The following MLLT3 variants were observed in gnomAD, a reference collection of about 807,000 sequenced individuals.
MLLT3 encodes the protein protein AF-9.
In MLLT3, 4 loss-of-function variants were observed where a neutral mutation model predicts 53.2. The ratio of observed to expected loss-of-function variants is 0.08; its 90% CI spans 0.04 to 0.17. The LOEUF is 0.17. Among genes scored for constraint, MLLT3 ranks in the 10% least tolerant of loss-of-function variants. The probability of loss-of-function intolerance (pLI) is 1.00; values close to 1 mark genes in which losing one functional copy is unlikely to be tolerated. For missense variants in MLLT3, 569 were observed against 684.0 expected, an observed-to-expected ratio of 0.83 and a Z score of 1.87; for synonymous variants, 283 against 230.6, an observed-to-expected ratio of 1.23 and a Z score of -2.06.
intron 2 of MLLT3, among the ~76,000 whole-genome samples, chr9:20,583,768 G>A (rs1042109931): frequency 3.9e-5 from 6 of 152,096 alleles, no homozygotes; most frequent in Admixed American, 1.3e-4. Context: ...ACACAGCATG[G>A]GGACCCTGGG....
intron 5 of MLLT3, among the ~76,000 whole-genome samples, chr9:20,386,543 T>C (rs547678952): frequency 2.9e-4 from 44 of 152,320 alleles, no homozygotes; most frequent in Non-Finnish European, 5.9e-4. Context: ...GTAATGAACA[T>C]TGCAGAATTG....
In MLLT3 at chr9:20,346,080, G is replaced by A. The variant is rs989479409; in HGVS notation, c.*363C>T. 1 of 258,240 alleles carries A rather than the reference G, an allele frequency of 3.9e-6. No homozygotes were observed. Among genetic ancestry groups the A allele is most frequent in the Non-Finnish European group, 7.5e-6 (1 of 132,836 alleles). 16.0% of individuals were successfully genotyped at this position (258,240 alleles called of 1,614,324 possible). ...AAGGCAGTGTGTTGAATATGCATTC[G>A]TCCTGTGGAATGAACCACCACAGAG... On this transcript the variant is annotated 3_prime_UTR_variant, in exon 11 of 11. Coordinates refer to ENST00000380338, the MANE Select transcript of MLLT3 (RefSeq NM_004529.4).
chr9:20,404,189 G>C (rs1253307701), intron 5 of MLLT3, among the ~76,000 whole-genome samples: 1 of 152,158 alleles, frequency 6.6e-6, no homozygotes, highest in Non-Finnish European at 1.5e-5. Flanking sequence ...ATAAAATGAA[G>C]CGTTAGGCCA....
chr9:20,431,992 A>G (rs973479707), intron 4 of MLLT3, among the ~76,000 whole-genome samples: 1 of 152,180 alleles, frequency 6.6e-6, no homozygotes, highest in Admixed American at 6.5e-5. Context: ...AGGTAATTAT[A>G]TCGAGAGAAG....
At chr9:20,560,474 A>G (rs1214626288) in intron 2 of MLLT3, among the ~76,000 whole-genome samples, 1 of 152,216 alleles carries the variant, frequency 6.6e-6, no homozygotes, top group Non-Finnish European at 1.5e-5. Flanking sequence ...GAGTTGGGGA[A>G]AAGAGCAAAA....
chr9:20,576,581 G>A (rs780334691), intron 2 of MLLT3, among the ~76,000 whole-genome samples: 2 of 152,116 alleles, frequency 1.3e-5, no homozygotes, highest in Admixed American at 6.5e-5. Context: ...AATGACTGGA[G>A]CAGTGGAGCA....
intron 2 of MLLT3, among the ~76,000 whole-genome samples, chr9:20,462,586 T>C (rs1245868871): frequency 1.3e-5 from 2 of 152,068 alleles, no homozygotes; most frequent in Admixed American, 6.6e-5. Context: ...CCTGACTCAA[T>C]AGCACCACCT....
chr9:20,378,649 A>T (rs1374159565), intron 5 of MLLT3, among the ~76,000 whole-genome samples: 1 of 152,078 alleles, frequency 6.6e-6, no homozygotes, highest in Non-Finnish European at 1.5e-5. Context: ...TTTACAGAAA[A>T]TTATACAATA....
At chr9:20,579,008 A>G (rs577841694) in intron 2 of MLLT3, among the ~76,000 whole-genome samples, 1 of 152,198 alleles carries the variant, frequency 6.6e-6, no homozygotes, top group Admixed American at 6.5e-5. Flanking sequence ...TCTATTGTAC[A>G]GCGTTGCTTA....
At chr9:20,390,636 T>C (rs1056131531) in intron 5 of MLLT3, among the ~76,000 whole-genome samples, 24 of 152,238 alleles carry the variant, frequency 1.6e-4, no homozygotes, top group African/African-American at 5.8e-4. Flanking sequence ...ATTTCACATA[T>C]ACCAAGAACT....
chr9:20,519,139 ACAAT>A (rs1817991164), intron 2 of MLLT3, among the ~76,000 whole-genome samples: 1 of 152,228 alleles, frequency 6.6e-6, no homozygotes, highest in Non-Finnish European at 1.5e-5. Context: ...TTTGCTAAAT[ACAAT>A]CAATGTGGTA....
chr9:20,384,350 T>C (rs537630256), intron 5 of MLLT3, among the ~76,000 whole-genome samples: 3 of 152,204 alleles, frequency 2.0e-5, no homozygotes, highest in Admixed American at 6.6e-5. Flanking sequence ...CTTTATTATA[T>C]AGCGTCTGGT....
chr9:20,359,555 C>A (rs1289041008), intron 8 of MLLT3, among the ~76,000 whole-genome samples: 1 of 152,182 alleles, frequency 6.6e-6, no homozygotes, highest in Non-Finnish European at 1.5e-5. Flanking sequence ...TGGTATCATT[C>A]CTACTTAACA....
chr9:20,479,392 G>C (rs1408642600), intron 2 of MLLT3, among the ~76,000 whole-genome samples: 2 of 152,064 alleles, frequency 1.3e-5, no homozygotes, highest in African/African-American at 4.8e-5. Flanking sequence ...TTCACATCTA[G>C]AGCAACCCTT....
intron 6 of MLLT3, among the ~76,000 whole-genome samples, chr9:20,364,264 A>T (rs1462955521): frequency 6.6e-6 from 1 of 152,230 alleles, no homozygotes; most frequent in African/African-American, 2.4e-5. Flanking sequence ...ACCATGTAAT[A>T]AATCAGGTAC....
chr9:20,512,039 C>G (rs1048459781), intron 2 of MLLT3, among the ~76,000 whole-genome samples: 1 of 152,144 alleles, frequency 6.6e-6, no homozygotes, highest in Non-Finnish European at 1.5e-5. Flanking sequence ...AAAAAAGCCC[C>G]CAAGTCTGAG....
At chr9:20,433,054 C>A (rs920154695) in intron 4 of MLLT3, among the ~76,000 whole-genome samples, 3 of 151,842 alleles carry the variant, frequency 2.0e-5, no homozygotes, top group African/African-American at 7.3e-5. Context: ...CCTTTTTGCC[C>A]CCTTAACAAT....
At chr9:20,501,320 G>A (rs1825219294) in intron 2 of MLLT3, among the ~76,000 whole-genome samples, 2 of 152,136 alleles carry the variant, frequency 1.3e-5, no homozygotes, top group Admixed American at 1.3e-4. Context: ...CTATGTGTGA[G>A]GTGACGAAGG....
At chr9:20,561,406 T>C (rs1007662103) in intron 2 of MLLT3, among the ~76,000 whole-genome samples, 3 of 152,322 alleles carry the variant, frequency 2.0e-5, no homozygotes, top group Admixed American at 2.0e-4. Context: ...ATTAAAACTT[T>C]TCTGATTAAG....
Sources: gnomAD v4.1 joint callset for allele counts (sites outside exome capture counted in the v4.1 genomes callset) on GRCh38, gnomAD v4.1.1 for gene constraint, MANE v1.5 for transcripts, NCBI Gene and HGNC (gene_info 2026-07-23, HGNC 2026-07-21) for gene names.